The following COPG1 variants were observed in gnomAD, a reference collection of about 807,000 sequenced individuals.
COPG1 encodes the protein coat protein complex I subunit gamma 1.
In COPG1, 29 loss-of-function variants were observed where a neutral mutation model predicts 102.8. That is an observed-to-expected ratio of 0.28 (90% CI 0.21 to 0.38). The LOEUF (loss-of-function observed/expected upper bound fraction) is 0.38. COPG1 is among the 10% of genes least tolerant of loss of function. The pLI is 1.00. For missense variants in COPG1, 875 were observed against 1,132.7 expected (o/e 0.77, Z 3.27); for synonymous variants, 406 against 421.6 (o/e 0.96, Z 0.45).
intron 10 of COPG1, among the ~76,000 whole-genome samples, chr3:129,259,084 C>T (rs774067973): frequency 2.6e-5 from 4 of 152,126 alleles, no homozygotes; most frequent in Non-Finnish European, 5.9e-5. Context: ...CTATTATTCT[C>T]TACTATAACA....
Position 129,274,995 on chromosome 3 carries a change from C to T in COPG1, c.2395+19C>T, listed in dbSNP as rs1432004755. ...CTTGAAGGTAAAATCCTGGGAATGC[C>T]ATCTCTGGCCTAATTACTGTTCAAG... On this transcript the variant is annotated intron_variant, in intron 22 of 23. Transcript: ENST00000314797. The T allele has an allele frequency of 2.5e-6, 4 of 1,612,884 alleles. No individual in the cohort carries two copies. Among genetic ancestry groups the T allele is most frequent in the African/African-American group, 2.7e-5 (2 of 74,962 alleles).
intron 15 of COPG1, among the ~76,000 whole-genome samples, chr3:129,267,619 CA>C (rs372234041): frequency 7.5e-5 from 11 of 146,620 alleles, no homozygotes; most frequent in South Asian, 2.2e-4. Context: ...GACTCCAGCT[CA>C]AAAAAAAAAT....
At chr3:129,272,767 GC>G (rs1479311476) in intron 20 of COPG1, 39 bp from the exon 21 acceptor site, 8 of 1,372,406 alleles carry the variant, frequency 5.8e-6, no homozygotes, top group Non-Finnish European at 1.0e-6. Flanking sequence ...TCCCCTGCAG[GC>G]TGGGGACATC....
intron 13 of COPG1, 72 bp from the exon 14 acceptor site, chr3:129,265,477 T>C (rs1202167119): frequency 1.3e-6 from 2 of 1,558,178 alleles, no homozygotes; most frequent in Non-Finnish European, 1.7e-6. Context: ...CAACTGTCCT[T>C]GGTCCAGCTC....
chr3:129,275,077 G>T lies in COPG1; in HGVS notation c.2395+101G>T, dbSNP rs1313330093. On this transcript the variant is annotated intron_variant, in intron 22 of 23. Coordinates refer to ENST00000314797, the MANE Select transcript of COPG1 (RefSeq NM_016128.4). This position sits in a 1 kb window ranked among gnomAD's most constrained non-coding sequence, Gnocchi z 5.0. ...TTTCTCTCCAAGGATCCAGGGCCATGTCTGGAGCACATATGTCAAATGCCA... is the reference window on the plus strand; with the variant it reads ...TTTCTCTCCAAGGATCCAGGGCCATTTCTGGAGCACATATGTCAAATGCCA... 10 of 1,510,278 alleles carry T rather than the reference G, an allele frequency of 6.6e-6. No homozygotes were observed. Among genetic ancestry groups the T allele is most frequent in the African/African-American group, 1.4e-5 (1 of 72,934 alleles). 93.6% of individuals were successfully genotyped at this position (1,510,278 alleles called of 1,614,324 possible). A position where few individuals can be genotyped will look rare whatever the true frequency, so the allele number is the denominator to read the frequency against.
In COPG1 at chr3:129,268,637, T is replaced by G; in HGVS notation, c.1774+17T>G. On this transcript the variant is annotated intron_variant, in intron 17 of 23. Coordinates refer to ENST00000314797, the MANE Select transcript of COPG1 (RefSeq NM_016128.4). Reference sequence around the variant, plus strand: ...AGAGAACAGGTAACACTTATACTCCTCCCAGAGGCCATCAAGGCCAGGCCT... The same window carrying G: ...AGAGAACAGGTAACACTTATACTCCGCCCAGAGGCCATCAAGGCCAGGCCT... 1.2e-6 allele frequency: 2 copies of G among 1,612,752 alleles called. No individual in the cohort carries two copies. Among genetic ancestry groups the G allele is most frequent in the Non-Finnish European group, 1.7e-6 (2 of 1,179,462 alleles).
At chr3:129,260,194 C>G (rs1939896937) in intron 10 of COPG1, 139 bp from the exon 11 acceptor site, 8 of 746,316 alleles carry the variant, frequency 1.1e-5, no homozygotes, top group African/African-American at 3.5e-5. Flanking sequence ...GTGAGGGGAG[C>G]TCTGTGTCTT....
chr3:129,267,749 A>G (rs1261017012), intron 15 of COPG1, among the ~76,000 whole-genome samples, 188 bp from the exon 16 acceptor site: 1 of 152,200 alleles, frequency 6.6e-6, no homozygotes, highest in Non-Finnish European at 1.5e-5. Context: ...AGTTTAAAAC[A>G]TTTCATCACC....
chr3:129,273,980 T>C (rs79985244), intron 21 of COPG1: 14,486 of 455,166 alleles, frequency 0.032, 776 homozygotes, highest in East Asian at 0.11. Flanking sequence ...GCTCAGCCTG[T>C]GGATGGGGAC....
chr3:129,268,537 A>C lies in COPG1; in HGVS notation c.1691A>C (p.Gln564Pro), dbSNP rs1298918282. ...SIPGLERALQ[Q>P]YTLEPSEKPF... The stretch of plus-strand genomic sequence containing the variant: ...CCTGGTCTGGAGAGGGCTCTGCAGC[A>C]GTACACTCTAGAACCATCAGAAAAA... The change falls in exon 17 of 24, where the codon CAG becomes CCG. Residue 564 changes from glutamine to proline, a missense_variant. Gln to Pro is a moderately conservative substitution (Grantham distance 76). Transcript: ENST00000314797. The C allele has an allele frequency of 6.2e-7, 1 of 1,614,090 alleles. No homozygotes were observed. Among genetic ancestry groups the C allele is most frequent in the African/African-American group, 1.3e-5 (1 of 74,938 alleles).
At chr3:129,267,359 C>T (rs1940083518) in intron 15 of COPG1, 5 of 307,432 alleles carry the variant, frequency 1.6e-5, no homozygotes, top group South Asian at 3.1e-5. Context: ...TAGTGGCTCC[C>T]GCCTGTAATC....
intron 23 of COPG1, among the ~76,000 whole-genome samples, chr3:129,277,064 T>C (rs112730146): frequency 0.11 from 16,248 of 151,780 alleles, 2,461 homozygotes; most frequent in African/African-American, 0.34. Context: ...CCTCATGATC[T>C]GCCCACCTCA....
At position 129,268,034 on chromosome 3, in the gene COPG1, C is replaced by T. The variant is rs769136826; in HGVS notation, c.1642C>T (p.Leu548=). 9.9e-6 allele frequency: 16 copies of T among 1,612,846 alleles called. No homozygotes were observed. The highest frequency in any genetic ancestry group is 1.7e-5 in the Admixed American group (1 of 59,968). ...KQKALNAGYI[L]NGLTVSIPGL... is the part of the protein sequence containing the mutation. ...GAAGGCCCTTAATGCAGGCTATATC[C>T]TAAATGGTGAGTCATTCCCTGGCTA... is the stretch of plus-strand genomic sequence containing the variant. Residue 548 remains leucine, a synonymous_variant, in exon 16 of 24, where the codon CTA becomes TTA. Coordinates refer to ENST00000314797, the MANE Select transcript of COPG1 (RefSeq NM_016128.4).
chr3:129,275,230 AC>A lies in COPG1; in HGVS notation c.2435del (p.Pro812LeufsTer41). The A allele has an allele frequency of 6.2e-7, 1 of 1,614,138 alleles. No homozygotes were observed. The highest frequency in any genetic ancestry group is 8.5e-7 in the Non-Finnish European group (1 of 1,179,998). On this transcript the variant is annotated frameshift_variant, in exon 23 of 24. Coordinates refer to ENST00000314797, the MANE Select transcript of COPG1 (RefSeq NM_016128.4). LOFTEE classifies it high-confidence loss of function. This position sits in a 1 kb window ranked among gnomAD's most constrained non-coding sequence, Gnocchi z 5.0. ...AATATTGTGAAGTTCTTGGGAATGC[AC>A]CCTTGTGAGAGGTCAGACAAAGTGC... ...VGNIVKFLGM[H>X]PCERSDKVPD... is the part of the protein sequence containing the mutation.
chr3:129,273,484 C>G (rs1181022817), intron 21 of COPG1, among the ~76,000 whole-genome samples: 1 of 152,184 alleles, frequency 6.6e-6, no homozygotes, highest in Admixed American at 6.5e-5. Flanking sequence ...TGAAATCATT[C>G]TTACAGTGTA....
rs1939648958 is a variant in COPG1, at chr3:129,249,658, T to A, written c.-52T>A. On this transcript the variant is annotated 5_prime_UTR_variant, in exon 1 of 24. Coordinates refer to ENST00000314797, the MANE Select transcript of COPG1 (RefSeq NM_016128.4). ...GAACCACTGTGGCACCGCTACTCCGTGCCGCGCCCGTCGAGCATTGCGTTG... is the reference window on the plus strand; with the variant it reads ...GAACCACTGTGGCACCGCTACTCCGAGCCGCGCCCGTCGAGCATTGCGTTG... 1 of 1,547,936 alleles carries A rather than the reference T, an allele frequency of 6.5e-7. No individual in the cohort carries two copies. The highest frequency in any genetic ancestry group is 1.4e-5 in the African/African-American group (1 of 73,102).
intron 12 of COPG1, among the ~76,000 whole-genome samples, chr3:129,262,850 C>T (rs1368485092): frequency 2.0e-5 from 3 of 151,562 alleles, no homozygotes; most frequent in African/African-American, 7.3e-5. Flanking sequence ...GAAACCCTGT[C>T]TCTACTAAAA....
chr3:129,267,939 G>C lies in COPG1; in HGVS notation c.1547G>C (p.Cys516Ser). The change falls in exon 16 of 24, where the codon TGT becomes TCT. Residue 516 changes from cysteine to serine, a missense_variant and splice_region_variant. Physicochemically the swap from Cys to Ser is moderately radical, Grantham distance 112. Coordinates refer to ENST00000314797, the MANE Select transcript of COPG1 (RefSeq NM_016128.4). Reference sequence around the variant, plus strand: ...ACCACCTTGTGTCCTGGCTGCAGGTGTGTGATGGATGATGACAATGAAGTA... The same window carrying C: ...ACCACCTTGTGTCCTGGCTGCAGGTCTGTGATGGATGATGACAATGAAGTA... ...LPSILVLLKR[C>S]VMDDDNEVRD... 1 of 1,613,812 alleles carries C rather than the reference G, an allele frequency of 6.2e-7. No individual in the cohort carries two copies. The highest frequency in any genetic ancestry group is 8.5e-7 in the Non-Finnish European group (1 of 1,179,804).
At chr3:129,253,981 A>G (rs1312017987) in intron 5 of COPG1, among the ~76,000 whole-genome samples, 1 of 147,570 alleles carries the variant, frequency 6.8e-6, no homozygotes, top group Non-Finnish European at 1.5e-5. Context: ...AGCCTGGGTG[A>G]CAGAACGAGA....
Sources: allele counts gnomAD v4.1 joint callset (sites outside exome capture counted in the v4.1 genomes callset), GRCh38; gene constraint gnomAD v4.1.1; non-coding constraint Gnocchi (gnomAD v3.1); transcripts MANE v1.5; gene names NCBI Gene and HGNC (gene_info 2026-07-23, HGNC 2026-07-21).